Variants in CDC42SE2 observed in about 807,000 individuals in gnomAD.
CDC42SE2 encodes CDC42 small effector protein 2.
A neutral mutation model predicts 11.5 loss-of-function variants in CDC42SE2; 3 were observed. The ratio of observed to expected loss-of-function variants is 0.26; its 90% CI spans 0.12 to 0.67. The LOEUF (loss-of-function observed/expected upper bound fraction) is 0.67. Ranked by LOEUF, CDC42SE2 falls within the 30% of genes least tolerant of loss-of-function variation. The pLI is 0.80. For missense variants in CDC42SE2, 82 were observed against 106.8 expected (o/e 0.77, Z 1.02); for synonymous variants, 33 against 34.8 (o/e 0.95, Z 0.18).
intron 2 of CDC42SE2, among the ~76,000 whole-genome samples, chr5:131,342,386 G>GTTTTTTTTTTTTTTTTTTT (rs1304028910): frequency 8.7e-6 from 1 of 114,850 alleles, no homozygotes; most frequent in African/African-American, 5.8e-5. Flanking sequence ...ATTTTTAATA[G>GTTTTTTTTTTTTTTTTTTT]TCTTTTTTTT....
chr5:131,355,816 G>T (rs560735481), intron 2 of CDC42SE2, among the ~76,000 whole-genome samples: 1 of 152,280 alleles, frequency 6.6e-6, no homozygotes, highest in Non-Finnish European at 1.5e-5. Flanking sequence ...TTGCGGGTAG[G>T]ATGTTGGAGT....
chr5:131,344,324 C>T (rs549538835), intron 2 of CDC42SE2, among the ~76,000 whole-genome samples: 30 of 152,196 alleles, frequency 2.0e-4, no homozygotes, highest in Non-Finnish European at 3.5e-4. Flanking sequence ...TTCCAACAGC[C>T]TTAGCAAAAG....
intron 1 of CDC42SE2, among the ~76,000 whole-genome samples, chr5:131,281,150 C>T (rs1337275149): frequency 1.3e-5 from 2 of 152,186 alleles, no homozygotes; most frequent in African/African-American, 2.4e-5. Context: ...GAGTAGACCG[C>T]TGATGTCTTG....
intron 2 of CDC42SE2, among the ~76,000 whole-genome samples, chr5:131,321,227 T>G (rs1339574632): frequency 6.6e-6 from 1 of 152,226 alleles, no homozygotes; most frequent in Non-Finnish European, 1.5e-5. Flanking sequence ...TTCTCACTTG[T>G]GTGAATATAC....
chr5:131,243,364 G>A (rs1050653301), upstream of CDC42SE2, among the ~76,000 whole-genome samples: 33 of 152,280 alleles, frequency 2.2e-4, no homozygotes, highest in African/African-American at 7.5e-4. Context: ...TGGATCACGA[G>A]GTCAGGAGCT....
Position 131,392,288 on chromosome 5 carries a change from A to G in CDC42SE2, c.*1197A>G, listed in dbSNP as rs1319765934. On this transcript the variant is annotated 3_prime_UTR_variant, in exon 5 of 5. Transcript: ENST00000505065. The stretch of plus-strand genomic sequence containing the variant: ...GGAAGGTATGAGACCCACAAGCACA[A>G]TGATCATTTTTATTTGTTTGTTTGT... 2.6e-5 allele frequency: 4 copies of G among 152,692 alleles called. No individual in the cohort carries two copies. The highest frequency in any genetic ancestry group is 9.7e-5 in the African/African-American group (4 of 41,414). The allele number at this position is 152,692 out of a possible 1,614,324, so 9.5% of individuals were successfully genotyped here.
chr5:131,219,628 G>T, the CDC42SE2 span, among the ~76,000 whole-genome samples: 1 of 152,142 alleles, frequency 6.6e-6, no homozygotes, highest in African/African-American at 2.4e-5. Context: ...ATCATGTTGT[G>T]GCTTTGATAC....
chr5:131,305,204 T>C (rs796512115), intron 1 of CDC42SE2, among the ~76,000 whole-genome samples: 71 of 152,338 alleles, frequency 4.7e-4, no homozygotes, highest in African/African-American at 1.6e-3. Flanking sequence ...CATTCTTTTT[T>C]ATTGAGAGTA....
upstream of CDC42SE2, among the ~76,000 whole-genome samples, chr5:131,242,471 G>A (rs905871890): frequency 6.6e-6 from 1 of 151,886 alleles, no homozygotes; most frequent in African/African-American, 2.4e-5. Flanking sequence ...TTGCAAGAAG[G>A]TTATCCATTT....
intron 3 of CDC42SE2, among the ~76,000 whole-genome samples, chr5:131,377,300 T>C (rs928537169): frequency 3.3e-5 from 5 of 151,820 alleles, no homozygotes; most frequent in Non-Finnish European, 7.4e-5. Context: ...TCTCGAGTAG[T>C]TGGGACTACA....
intron 4 of CDC42SE2, among the ~76,000 whole-genome samples, chr5:131,386,822 T>C (rs2149789705): frequency 6.6e-6 from 1 of 152,300 alleles, no homozygotes; most frequent in East Asian, 1.9e-4. Context: ...AAACATAAAA[T>C]TATGATCCAC....
chr5:131,228,385 G>C, the CDC42SE2 span, among the ~76,000 whole-genome samples: 1 of 151,822 alleles, frequency 6.6e-6, no homozygotes, highest in Non-Finnish European at 1.5e-5. Flanking sequence ...AAGAGAGACA[G>C]AGAGAGAGAG....
chr5:131,262,671 A>C (rs1756756217), upstream of CDC42SE2, among the ~76,000 whole-genome samples: 1 of 152,222 alleles, frequency 6.6e-6, no homozygotes, highest in African/African-American at 2.4e-5. Flanking sequence ...AAAATGATAT[A>C]GTATTTGCAC....
upstream of CDC42SE2, among the ~76,000 whole-genome samples, chr5:131,261,133 T>C (rs913408151): frequency 3.9e-5 from 6 of 152,254 alleles, no homozygotes; most frequent in Admixed American, 6.5e-5. Context: ...TTTCCACTTG[T>C]TATGGACTAA....
chr5:131,292,103 G>A (rs1425124410), intron 1 of CDC42SE2, among the ~76,000 whole-genome samples: 3 of 151,766 alleles, frequency 2.0e-5, no homozygotes, highest in Non-Finnish European at 4.4e-5. Context: ...GCTAGGCATG[G>A]TGGCGCATGC....
At chr5:131,264,768 C>A (rs569025654) in intron 1 of CDC42SE2, among the ~76,000 whole-genome samples, 3 of 152,184 alleles carry the variant, frequency 2.0e-5, no homozygotes, top group African/African-American at 7.2e-5. Context: ...CTTTAAGTTG[C>A]GATTTTAGGC....
At chr5:131,312,395 TTGTC>T (rs1455584488) in intron 1 of CDC42SE2, among the ~76,000 whole-genome samples, 2 of 152,140 alleles carry the variant, frequency 1.3e-5, no homozygotes, top group African/African-American at 4.8e-5. Flanking sequence ...TGCTTTTTGT[TTGTC>T]TGTGCCCTGC....
upstream of CDC42SE2, chr5:131,261,192 T>G (rs1756722165): frequency 6.6e-6 from 1 of 152,262 alleles, no homozygotes; most frequent in African/African-American, 2.4e-5. Context: ...GCATTTACTT[T>G]TATCGGTATT....
chr5:131,287,635 C>CTTTTTTTTTT (rs940777864), intron 1 of CDC42SE2, among the ~76,000 whole-genome samples: 1 of 149,788 alleles, frequency 6.7e-6, no homozygotes. Flanking sequence ...GCTTTTTTTT[C>CTTTTTTTTTT]TTTTTTTTTG....
Sources: allele counts gnomAD v4.1 joint callset (sites outside exome capture counted in the v4.1 genomes callset), GRCh38; gene constraint gnomAD v4.1.1; transcripts MANE v1.5; gene names NCBI Gene and HGNC (gene_info 2026-07-23, HGNC 2026-07-21).